The following PTPRJ variants were observed in gnomAD, a reference collection of about 807,000 sequenced individuals.
PTPRJ encodes the protein protein tyrosine phosphatase receptor type J, also known as receptor-type tyrosine-protein phosphatase eta.
A neutral mutation model predicts 141.3 loss-of-function variants in PTPRJ; 129 were observed. That is an observed-to-expected ratio of 0.91 (90% CI 0.79 to 1.06). The LOEUF (loss-of-function observed/expected upper bound fraction) is 1.06. Ranked by LOEUF, PTPRJ falls within the 50% of genes least tolerant of loss-of-function variation. The pLI is 0.00. For synonymous variants in PTPRJ, 610 were observed against 640.5 expected, an observed-to-expected ratio of 0.95 and a Z score of 0.72; for missense variants, 1,601 against 1,679.7, an observed-to-expected ratio of 0.95 and a Z score of 0.82.
At chr11:48,120,359 A>T (rs912704043) in intron 3 of PTPRJ, among the ~76,000 whole-genome samples, 10 of 152,316 alleles carry the variant, frequency 6.6e-5, no homozygotes, top group Non-Finnish European at 7.3e-5. Flanking sequence ...CAAAAAAGTT[A>T]TCATGTGCTT....
chr11:48,056,195 A>G (rs144381654), intron 1 of PTPRJ, among the ~76,000 whole-genome samples: 2 of 152,162 alleles, frequency 1.3e-5, no homozygotes, highest in African/African-American at 2.4e-5. Context: ...TTGATTCTGT[A>G]TGCATTTTTA....
chr11:48,066,754 T>G (rs1341869407), intron 1 of PTPRJ, among the ~76,000 whole-genome samples: 2 of 151,984 alleles, frequency 1.3e-5, no homozygotes, highest in Non-Finnish European at 2.9e-5. Flanking sequence ...TCCAACTAAT[T>G]TTTTTATTTG....
chr11:48,105,632 C>A (rs1199300881), intron 1 of PTPRJ, among the ~76,000 whole-genome samples: 1 of 152,184 alleles, frequency 6.6e-6, no homozygotes, highest in Non-Finnish European at 1.5e-5. Context: ...TGCCAGAGCT[C>A]ATGAGTGACA....
At chr11:48,021,376 A>AAAATAAATAAATAAAT (rs71457241) in intron 1 of PTPRJ, among the ~76,000 whole-genome samples, 26 of 136,542 alleles carry the variant, frequency 1.9e-4, no homozygotes, top group Admixed American at 3.0e-4. Context: ...CTCCGTCCCT[A>AAAATAAATAAATAAAT]AAATAAATAA....
intron 1 of PTPRJ, among the ~76,000 whole-genome samples, chr11:48,097,655 A>T (rs1289860789): frequency 6.6e-6 from 1 of 151,664 alleles, no homozygotes; most frequent in Non-Finnish European, 1.5e-5. Context: ...CTCCTGCCTC[A>T]GCCTCCCGAG....
Position 47,999,189 on chromosome 11 carries a change from C to A in PTPRJ, c.96+18181C>A, listed in dbSNP as rs185502163. Among the ~76,000 whole-genome samples the A allele has an allele frequency of 5.3e-5, 8 of 152,268 alleles. No homozygotes were observed. The East Asian group carries it at 1.5e-3, about 29-fold the overall frequency. On this transcript the variant is annotated intron_variant, in intron 1 of 24. Transcript: ENST00000418331. ...GCTCAGCAGGAGGCTAAGGTGGGAT[C>A]AATTAGTGATGTCTGCCATGGCCAC...
At chr11:48,088,328 TG>T (rs1855770132) in intron 1 of PTPRJ, among the ~76,000 whole-genome samples, 1 of 152,244 alleles carries the variant, frequency 6.6e-6, no homozygotes, top group Non-Finnish European at 1.5e-5. Context: ...CATGACATCC[TG>T]GCAGATATCA....
chr11:47,999,881 G>A (rs1375135067), intron 1 of PTPRJ, among the ~76,000 whole-genome samples: 2 of 66,520 alleles, frequency 3.0e-5, no homozygotes, highest in African/African-American at 8.9e-4. Flanking sequence ...TTTTGAGTCA[G>A]AGTCTCGCTC....
At chr11:48,092,710 G>A (rs1262213329) in intron 1 of PTPRJ, among the ~76,000 whole-genome samples, 2 of 152,176 alleles carry the variant, frequency 1.3e-5, no homozygotes, top group African/African-American at 4.8e-5. Context: ...GATTACAGGC[G>A]TGAACTACTG....
chr11:47,986,434 C>T (rs1047390486), intron 1 of PTPRJ, among the ~76,000 whole-genome samples: 6 of 152,212 alleles, frequency 3.9e-5, no homozygotes, highest in Non-Finnish European at 8.8e-5. Flanking sequence ...TACGTAACAC[C>T]TAAAGCAAGG....
At chr11:48,094,826 G>T (rs565296697) in intron 1 of PTPRJ, among the ~76,000 whole-genome samples, 1 of 152,282 alleles carries the variant, frequency 6.6e-6, no homozygotes, top group Non-Finnish European at 1.5e-5. Context: ...GTAGCAAGAG[G>T]ATGGATACCC....
intron 1 of PTPRJ, among the ~76,000 whole-genome samples, chr11:48,075,511 C>T (rs1590470589): frequency 6.6e-6 from 1 of 152,122 alleles, no homozygotes; most frequent in Admixed American, 6.5e-5. Flanking sequence ...CAGCTTGGAA[C>T]TCTTGGGCTG....
intron 1 of PTPRJ, among the ~76,000 whole-genome samples, chr11:48,085,082 A>G (rs1253247846): frequency 6.6e-6 from 1 of 152,142 alleles, no homozygotes; most frequent in Non-Finnish European, 1.5e-5. Context: ...ATCCACAACT[A>G]CTGAAAAGGC....
chr11:48,155,216 C>T (rs1378744641), intron 19 of PTPRJ, among the ~76,000 whole-genome samples: 2 of 152,112 alleles, frequency 1.3e-5, no homozygotes, highest in Non-Finnish European at 2.9e-5. Flanking sequence ...GAACTTGGTA[C>T]TCTGTTTTTA....
chr11:48,084,351 T>C (rs753396392), intron 1 of PTPRJ, among the ~76,000 whole-genome samples: 20 of 152,200 alleles, frequency 1.3e-4, no homozygotes, highest in Non-Finnish European at 2.2e-4. Context: ...ACCCTACTAA[T>C]TTTTGTATTT....
At position 48,112,897 on chromosome 11, in the gene PTPRJ, G is replaced by T; in HGVS notation, c.266G>T (p.Ser89Ile). Reference sequence around the variant, plus strand: ...ACAAACACCAGTGAGGATGGTGAAAGCTCTGGAGCCAACGATAGTTTAAGA... The same window carrying T: ...ACAAACACCAGTGAGGATGGTGAAATCTCTGGAGCCAACGATAGTTTAAGA... ...VETNTSEDGESSGANDSLRTP... is the reference protein window; with the variant it reads ...VETNTSEDGEISGANDSLRTP... Residue 89 changes from serine (S) to isoleucine (I), a missense_variant, in exon 3 of 25, where the codon AGC (serine) becomes ATC (isoleucine). Coordinates refer to ENST00000418331, the MANE Select transcript of PTPRJ (RefSeq NM_002843.4). 1 of 1,614,162 alleles carries T rather than the reference G, an allele frequency of 6.2e-7. No individual in the cohort carries two copies. Among genetic ancestry groups the T allele is most frequent in the Non-Finnish European group, 8.5e-7 (1 of 1,180,008 alleles).
rs551553833 is a variant in PTPRJ, at chr11:48,065,567, G to A, written c.97-44491G>A. Reference sequence around the variant, plus strand: ...GATTAAAAAACTTTTAAAAGTAAGTGTCTTTCTCTGTGGTGACCTATTTGT... The same window carrying A: ...GATTAAAAAACTTTTAAAAGTAAGTATCTTTCTCTGTGGTGACCTATTTGT... On this transcript the variant is annotated intron_variant, in intron 1 of 24. Coordinates refer to ENST00000418331, the MANE Select transcript of PTPRJ (RefSeq NM_002843.4). 4.6e-5 allele frequency among the ~76,000 whole-genome samples: 7 copies of A among 152,274 alleles called. No individual in the cohort carries two copies. In the East Asian group the frequency reaches 9.6e-4, roughly 21 times the overall value.
At chr11:47,992,448 C>T (rs1293224824) in intron 1 of PTPRJ, among the ~76,000 whole-genome samples, 1 of 152,216 alleles carries the variant, frequency 6.6e-6, no homozygotes, top group African/African-American at 2.4e-5. Flanking sequence ...GCTGGAATTA[C>T]AGGTGTGAGT....
intron 1 of PTPRJ, among the ~76,000 whole-genome samples, chr11:48,005,758 G>A (rs1854605427): frequency 6.6e-6 from 1 of 152,228 alleles, no homozygotes; most frequent in Non-Finnish European, 1.5e-5. Context: ...GGGCTGTGAG[G>A]AGCCTGTGTG....
Sources: gnomAD v4.1 joint callset for allele counts (sites outside exome capture counted in the v4.1 genomes callset) on GRCh38, gnomAD v4.1.1 for gene constraint, MANE v1.5 for transcripts, NCBI Gene and HGNC (gene_info 2026-07-23, HGNC 2026-07-21) for gene names.